Variants in MOSMO observed in about 807,000 individuals in gnomAD.
MOSMO encodes modulator of smoothened protein.
MOSMO carries 5 observed loss-of-function variants against 18.4 expected under a neutral mutation model. That is an observed-to-expected ratio of 0.27 (90% confidence interval 0.14 to 0.57). MOSMO has a LOEUF of 0.57. Among genes scored for constraint, MOSMO ranks in the 20% least tolerant of loss-of-function variants. MOSMO has a pLI of 0.92. For missense variants in MOSMO, 138 were observed against 211.8 expected, an observed-to-expected ratio of 0.65 and a Z score of 2.16; for synonymous variants, 82 against 82.3, an observed-to-expected ratio of 1.00 and a Z score of 0.02.
intron 1 of MOSMO, among the ~76,000 whole-genome samples, chr16:22,074,255 T>C (rs546067987): frequency 6.6e-6 from 1 of 152,076 alleles, no homozygotes; most frequent in Non-Finnish European, 1.5e-5. Flanking sequence ...AATGTCTTTT[T>C]TATTTTTGTG....
At chr16:22,042,468 T>G (rs895381317) in intron 1 of MOSMO, among the ~76,000 whole-genome samples, 1 of 152,346 alleles carries the variant, frequency 6.6e-6, no homozygotes, top group East Asian at 1.9e-4. Flanking sequence ...CTGTATAAAG[T>G]ATCTAAAAGT....
At chr16:22,075,150 G>A in intron 1 of MOSMO, 1 of 370,188 alleles carries the variant, frequency 2.7e-6, no homozygotes, top group South Asian at 2.1e-5. Flanking sequence ...GCTCAGTGAG[G>A]GCAGGAACCT....
intron 1 of MOSMO, among the ~76,000 whole-genome samples, chr16:22,054,436 T>C (rs112276975): frequency 1.3e-5 from 2 of 152,268 alleles, no homozygotes; most frequent in Non-Finnish European, 2.9e-5. Flanking sequence ...TCACCTCTCA[T>C]GCCAATTTTT....
Position 22,058,313 on chromosome 16 carries a change from C to T in MOSMO, c.107-17174C>T, listed in dbSNP as rs1269833665. On this transcript the variant is annotated intron_variant, in intron 1 of 2. Coordinates refer to ENST00000542527, the MANE Select transcript of MOSMO (RefSeq NM_001164579.2). ...TGATGGCGTGCTCCTGTAATCCCAGCTACTTGGGGGGCTGAGGCAGGAGAA... is the reference window on the plus strand; with the variant it reads ...TGATGGCGTGCTCCTGTAATCCCAGTTACTTGGGGGGCTGAGGCAGGAGAA... Among the ~76,000 whole-genome samples, 25 of 151,636 alleles carry T rather than the reference C, an allele frequency of 1.6e-4. 1 individual carries two copies. The highest frequency in any genetic ancestry group is 1.6e-3 in the Admixed American group (25 of 15,186).
intron 1 of MOSMO, among the ~76,000 whole-genome samples, chr16:22,019,118 C>T (rs1481790231): frequency 6.6e-6 from 1 of 152,130 alleles, no homozygotes; most frequent in Non-Finnish European, 1.5e-5. Context: ...TGGATCCTGG[C>T]TCTTAACTAT....
intron 1 of MOSMO, among the ~76,000 whole-genome samples, chr16:22,020,037 A>C (rs1899723039): frequency 6.6e-6 from 1 of 151,708 alleles, no homozygotes; most frequent in Non-Finnish European, 1.5e-5. Context: ...AACATAGAGA[A>C]ACCCCATCTC....
At chr16:22,070,317 G>T (rs940335054) in intron 1 of MOSMO, among the ~76,000 whole-genome samples, 7 of 152,184 alleles carry the variant, frequency 4.6e-5, no homozygotes, top group African/African-American at 1.7e-4. Context: ...TTCTCCATCA[G>T]CATTCCACAG....
intron 1 of MOSMO, among the ~76,000 whole-genome samples, chr16:22,036,892 T>G (rs1010682104): frequency 2.0e-5 from 3 of 152,226 alleles, no homozygotes; most frequent in African/African-American, 7.2e-5. Flanking sequence ...TTGAAGAGGT[T>G]GTCAAACCAG....
intron 2 of MOSMO, among the ~76,000 whole-genome samples, chr16:22,079,864 A>G (rs1901042820): frequency 6.6e-6 from 1 of 151,278 alleles, no homozygotes; most frequent in South Asian, 2.1e-4. Context: ...GCTCACTACA[A>G]CCTCCACCAC....
chr16:22,059,607 G>T (rs1401979264), intron 1 of MOSMO, among the ~76,000 whole-genome samples: 1 of 152,134 alleles, frequency 6.6e-6, no homozygotes, highest in Non-Finnish European at 1.5e-5. Context: ...GGGAAGCAAG[G>T]CACCTTCTTC....
At chr16:22,036,061 C>T (rs991713074) in intron 1 of MOSMO, among the ~76,000 whole-genome samples, 1 of 152,118 alleles carries the variant, frequency 6.6e-6, no homozygotes, top group African/African-American at 2.4e-5. Flanking sequence ...TAGATGTTAC[C>T]TCCAGTACAT....
chr16:22,066,473 G>A (rs1186305543), intron 1 of MOSMO, among the ~76,000 whole-genome samples: 1 of 152,148 alleles, frequency 6.6e-6, no homozygotes, highest in African/African-American at 2.4e-5. Flanking sequence ...CAACAACTGG[G>A]AAGGCCCTAC....
chr16:22,020,771 C>T (rs755694452), intron 1 of MOSMO, among the ~76,000 whole-genome samples: 21 of 152,154 alleles, frequency 1.4e-4, no homozygotes, highest in Non-Finnish European at 2.8e-4. Flanking sequence ...TTTGCATTTT[C>T]AAAAGATAAA....
chr16:22,027,268 A>G (rs1262842064), intron 1 of MOSMO, among the ~76,000 whole-genome samples: 1 of 152,216 alleles, frequency 6.6e-6, no homozygotes, highest in African/African-American at 2.4e-5. Context: ...AAAATGCGCC[A>G]CTTGTCTGGG....
At chr16:22,027,412 G>A (rs1899897475) in intron 1 of MOSMO, among the ~76,000 whole-genome samples, 1 of 152,146 alleles carries the variant, frequency 6.6e-6, no homozygotes, top group Non-Finnish European at 1.5e-5. Context: ...TGTGGAATTA[G>A]ACTTGGTTCA....
At chr16:22,047,176 T>C (rs1223162676) in intron 1 of MOSMO, among the ~76,000 whole-genome samples, 1 of 151,980 alleles carries the variant, frequency 6.6e-6, no homozygotes, top group East Asian at 1.9e-4. Flanking sequence ...GTTAGAGATC[T>C]TTCCACGTCA....
At chr16:22,092,276 G>A (rs543422687), downstream of MOSMO, 3 of 175,960 alleles carry the variant, frequency 1.7e-5, no homozygotes, top group Non-Finnish European at 2.4e-5. Flanking sequence ...CCACAGGCAC[G>A]CACCAGGGCT....
intron 2 of MOSMO, among the ~76,000 whole-genome samples, chr16:22,080,237 T>C (rs1223788485): frequency 6.6e-6 from 1 of 152,224 alleles, no homozygotes; most frequent in African/African-American, 2.4e-5. Context: ...CAGCACTTAC[T>C]GTTACCTGGC....
chr16:22,040,791 C>T (rs1403828625), intron 1 of MOSMO, among the ~76,000 whole-genome samples: 4 of 152,144 alleles, frequency 2.6e-5, no homozygotes, highest in Non-Finnish European at 5.9e-5. Flanking sequence ...TAGAGATAGG[C>T]AAGCAGCAGG....
Sources: gnomAD v4.1 joint callset for allele counts (sites outside exome capture counted in the v4.1 genomes callset) on GRCh38, gnomAD v4.1.1 for gene constraint, MANE v1.5 for transcripts, NCBI Gene and HGNC (gene_info 2026-07-23, HGNC 2026-07-21) for gene names.